SLC13A2: variants seen among roughly 807,000 people sequenced by gnomAD.
SLC13A2 encodes the protein Na(+)-coupled citrate transporter.
A neutral mutation model predicts 58.5 loss-of-function variants in SLC13A2; 40 were observed. The observed-to-expected ratio is 0.68, with a 90% CI of 0.53 to 0.89. The LOEUF (loss-of-function observed/expected upper bound fraction) is 0.89, where lower values mean the gene tolerates loss of function less well. Ranked by LOEUF, SLC13A2 falls within the 40% of genes least tolerant of loss-of-function variation. SLC13A2 has a pLI of 0.00. For missense variants in SLC13A2, 694 were observed against 772.6 expected (o/e 0.90, Z 1.21); for synonymous variants, 341 against 331.6 (o/e 1.03, Z -0.31).
chr17:28,493,858 T>C, intron 7 of SLC13A2, 69 bp downstream of exon 7: 1 of 1,533,052 alleles, frequency 6.5e-7, no homozygotes, highest in Non-Finnish European at 9.0e-7. Context: ...GGGAAGGGTA[T>C]AGGGCCCCCA....
Position 28,496,656 on chromosome 17 carries a change from C to A in SLC13A2, c.1608+69C>A. ...TCTGACTTTTCATCTTAGTGAACCA[C>A]AAAGCAGCTTAAAGCCACTGAGAGT... On this transcript the variant is annotated intron_variant, in intron 11 of 11. Coordinates refer to ENST00000314669, the MANE Select transcript of SLC13A2 (RefSeq NM_003984.4). This position sits in a 1 kb window ranked among gnomAD's most constrained non-coding sequence, Gnocchi z 4.2. 1 of 1,549,752 alleles carries A rather than the reference C, an allele frequency of 6.5e-7. No individual in the cohort carries two copies. The highest frequency in any genetic ancestry group is 1.2e-5 in the South Asian group (1 of 81,402).
At position 28,494,396 on chromosome 17, in the gene SLC13A2, C is replaced by T; in HGVS notation, c.1192C>T (p.Pro398Ser). 1.1e-5 allele frequency: 18 copies of T among 1,614,140 alleles called. No individual in the cohort carries two copies. The highest frequency in any genetic ancestry group is 1.4e-5 in the Non-Finnish European group (17 of 1,180,026). ...CTTCTCTGCTTGGGAAGTAGAAAAC[C>T]CAGGGAAGCTGAAGGCCCCTCTTGG... is the stretch of plus-strand genomic sequence containing the variant. ...FPGLTQDPEN[P>S]GKLKAPLGLL... Residue 398 changes from proline (P) to serine (S), a missense_variant, in exon 9 of 12, where the codon CCA becomes TCA. By Grantham distance (74) the Pro-to-Ser change is moderately conservative (BLOSUM62 -1). Transcript: ENST00000314669. This position sits in a 1 kb window ranked among gnomAD's most constrained non-coding sequence, Gnocchi z 4.0.
rs141214124 is a variant in SLC13A2, at chr17:28,494,439, C to T, written c.1235C>T (p.Thr412Met). ...CCTCTTGGCCTCCTCGACTGGAAGA[C>T]GGTGAACCAGAAGATGCCGTGGAAT... ...KAPLGLLDWK[T>M]VNQKMPWNIV... is the part of the protein sequence containing the mutation. The change falls in exon 9 of 12, where the codon ACG (threonine) becomes ATG (methionine). Residue 412 changes from threonine (T) to methionine (M), a missense_variant. By Grantham distance (81) the Thr-to-Met change is moderately conservative. Coordinates refer to ENST00000314669, the MANE Select transcript of SLC13A2 (RefSeq NM_003984.4). This position sits in a 1 kb window ranked among gnomAD's most constrained non-coding sequence, Gnocchi z 4.0. 5.3e-5 allele frequency: 86 copies of T among 1,614,164 alleles called. No homozygotes were observed. The African/African-American group carries it at 7.3e-4, about 14-fold the overall frequency.
intron 1 of SLC13A2, among the ~76,000 whole-genome samples, chr17:28,476,586 A>G (rs1193871439): frequency 6.7e-6 from 1 of 150,136 alleles, no homozygotes; most frequent in Admixed American, 6.6e-5. Context: ...TGCTCCTCAC[A>G]TTGCTCTGGA....
In SLC13A2 at chr17:28,489,225, C is replaced by A. The variant is rs781897884; in HGVS notation, c.114C>A (p.Cys38Ter). 1.2e-6 allele frequency: 2 copies of A among 1,613,536 alleles called. No homozygotes were observed. Among genetic ancestry groups the A allele is most frequent in the African/African-American group, 1.3e-5 (1 of 74,916 alleles). Residue 38 changes from cysteine (C) to a stop codon, truncating the protein, a stop_gained, in exon 2 of 12, where the codon TGC becomes TGA. Coordinates refer to ENST00000314669, the MANE Select transcript of SLC13A2 (RefSeq NM_003984.4). LOFTEE classifies it high-confidence loss of function. Reference sequence around the variant, plus strand: ...TCTCCCACCTGCAGGAGGCCTACTGCGCGTATGCCATCATCCTCATGGCGC... The same window carrying A: ...TCTCCCACCTGCAGGAGGCCTACTGAGCGTATGCCATCATCCTCATGGCGC... ...PILVPSKEAY[C>*]AYAIILMALF...
intron 6 of SLC13A2, among the ~76,000 whole-genome samples, chr17:28,492,366 G>T (rs1254747520): frequency 1.3e-5 from 2 of 152,244 alleles, no homozygotes; most frequent in Non-Finnish European, 2.9e-5. Context: ...ACAGTGTCTA[G>T]TTCAGCCCAG....
In SLC13A2 at chr17:28,494,657, G is replaced by T; in HGVS notation, c.1308+145G>T. The stretch of plus-strand genomic sequence containing the variant: ...GTAGGCAGAGCCTTTGCAGCAGCTG[G>T]GAAGACTTAGGTTAGAGCCCTCATG... On this transcript the variant is annotated intron_variant, in intron 9 of 11. Transcript: ENST00000314669. This position sits in a 1 kb window ranked among gnomAD's most constrained non-coding sequence, Gnocchi z 4.0. 1 of 1,181,812 alleles carries T rather than the reference G, an allele frequency of 8.5e-7. No individual in the cohort carries two copies. The highest frequency in any genetic ancestry group is 1.2e-6 in the Non-Finnish European group (1 of 852,994). 73.2% of individuals were successfully genotyped at this position (1,181,812 alleles called of 1,614,324 possible).
chr17:28,493,197 A>G (rs782155286), intron 6 of SLC13A2, among the ~76,000 whole-genome samples: 14 of 152,170 alleles, frequency 9.2e-5, no homozygotes, highest in Non-Finnish European at 1.8e-4. Flanking sequence ...GGATAAGCAG[A>G]GAAGGCAGAG....
Position 28,494,458 on chromosome 17 carries a change from G to A in SLC13A2, c.1254G>A (p.Pro418=), listed in dbSNP as rs782665075. ...LDWKTVNQKM[P]WNIVLLLGGG... is the part of the protein sequence containing the mutation. The stretch of plus-strand genomic sequence containing the variant: ...GGAAGACGGTGAACCAGAAGATGCC[G>A]TGGAATATCGTGTTATTGCTGGGTG... The change falls in exon 9 of 12, where the codon CCG becomes CCA. Residue 418 remains proline (P), a synonymous_variant. Transcript: ENST00000314669. The surrounding 1 kb of genome is among the most constrained non-coding windows in gnomAD (Gnocchi z 4.0). 1.1e-4 allele frequency: 173 copies of A among 1,613,986 alleles called. No homozygotes were observed. Among genetic ancestry groups the A allele is most frequent in the Middle Eastern group, 3.3e-4 (2 of 6,084 alleles).
Position 28,497,651 on chromosome 17 carries a change from G to A in SLC13A2, c.*382G>A, listed in dbSNP as rs2069174192. On this transcript the variant is annotated 3_prime_UTR_variant, in exon 12 of 12. Coordinates refer to ENST00000314669, the MANE Select transcript of SLC13A2 (RefSeq NM_003984.4). ...CCCAGGTCTTGGTATCCCCAGCTTA[G>A]TGACCAGACTTACTTGCACTGTATT... is the stretch of plus-strand genomic sequence containing the variant. The A allele has an allele frequency of 5.1e-6, 1 of 197,934 alleles. No individual in the cohort carries two copies. The allele number at this position is 197,934 out of a possible 1,614,324, so 12.3% of individuals were successfully genotyped here.
Position 28,497,187 on chromosome 17 carries a change from A to T in SLC13A2, c.1697A>T (p.His566Leu). 1 of 1,613,762 alleles carries T rather than the reference A, an allele frequency of 6.2e-7. No homozygotes were observed. Among genetic ancestry groups the T allele is most frequent in the Non-Finnish European group, 8.5e-7 (1 of 1,179,934 alleles). Residue 566 changes from histidine (H) to leucine (L), a missense_variant, in exon 12 of 12, where the codon CAC (histidine) becomes CTC (leucine). Transcript: ENST00000314669. ...NSWGIPLFSL[H>L]SFPSWAQSNT... ...TGGGGCATCCCCCTCTTCAGCCTGCACTCTTTCCCCTCCTGGGCACAGTCC... is the reference window on the plus strand; with the variant it reads ...TGGGGCATCCCCCTCTTCAGCCTGCTCTCTTTCCCCTCCTGGGCACAGTCC...
intron 1 of SLC13A2, among the ~76,000 whole-genome samples, chr17:28,481,298 C>G (rs1434275773): frequency 6.6e-6 from 1 of 152,190 alleles, no homozygotes; most frequent in Non-Finnish European, 1.5e-5. Flanking sequence ...TCCCTTTGGC[C>G]TCTTAAAACA....
rs534789245 is a variant in SLC13A2 at position 28,477,293 on chromosome 17, A to T, written c.102+3479A>T. ...ACTGCAAGCTCCGCCTCCCAGGTTC[A>T]TGCCATTCTCCTGCCTTAGCCTCCC... On this transcript the variant is annotated intron_variant, in intron 1 of 11. Coordinates refer to ENST00000314669, the MANE Select transcript of SLC13A2 (RefSeq NM_003984.4). Among the ~76,000 whole-genome samples, 14 of 141,688 alleles carry T rather than the reference A, an allele frequency of 9.9e-5. No individual in the cohort carries two copies. In the South Asian group the frequency reaches 3.1e-3, roughly 31 times the overall value. 93.0% of individuals were successfully genotyped at this position (141,688 alleles called of 152,430 possible).
rs782607419 is a variant in SLC13A2, at chr17:28,494,340, G to T, written c.1187-51G>T. The T allele has an allele frequency of 6.2e-7, 1 of 1,614,078 alleles. No homozygotes were observed. On this transcript the variant is annotated intron_variant, in intron 8 of 11. Transcript: ENST00000314669. The surrounding 1 kb of genome is among the most constrained non-coding windows in gnomAD (Gnocchi z 4.0). ...ACAGGGAGCCCGCAAATGGAGAGGG[G>T]AAAGGCCTGTTTGTTCTTTGGTGAC...
At chr17:28,490,310 A>T (rs781869459) in intron 2 of SLC13A2, 144 bp from the exon 3 acceptor site, 2 of 1,592,504 alleles carry the variant, frequency 1.3e-6, no homozygotes, top group Middle Eastern at 3.4e-4. Flanking sequence ...ATGGCAGATC[A>T]TTCAGAGACC....
intron 1 of SLC13A2, among the ~76,000 whole-genome samples, chr17:28,483,788 G>T (rs953647848): frequency 2.6e-5 from 4 of 152,250 alleles, no homozygotes; most frequent in Middle Eastern, 3.2e-3. Context: ...AGCAGCGAAT[G>T]CTTGATGTTT....
At chr17:28,481,112 A>C (rs1450412064) in intron 1 of SLC13A2, among the ~76,000 whole-genome samples, 1 of 152,164 alleles carries the variant, frequency 6.6e-6, no homozygotes, top group African/African-American at 2.4e-5. Flanking sequence ...TTCGACAGTA[A>C]AGTTTCCTGG....
chr17:28,495,700 CAG>C lies in SLC13A2; in HGVS notation c.1357_1358del (p.Ser453CysfsTer22). On this transcript the variant is annotated frameshift_variant, in exon 10 of 12. Transcript: ENST00000314669. LOFTEE classifies it high-confidence loss of function. ...EWLGNKLTPL[Q>X]SVPAPAIAII... ...GCTGGGAAACAAGCTGACCCCACTG[CAG>C]AGTGTGCCAGCTCCAGCCATTGCCA... 6.2e-7 allele frequency: 1 copy of C among 1,612,312 alleles called. No homozygotes were observed. The highest frequency in any genetic ancestry group is 8.5e-7 in the Non-Finnish European group (1 of 1,179,958).
At chr17:28,485,291 G>C (rs1354162489) in intron 1 of SLC13A2, among the ~76,000 whole-genome samples, 1 of 152,224 alleles carries the variant, frequency 6.6e-6, no homozygotes, top group African/African-American at 2.4e-5. Context: ...ACCTGGACTT[G>C]TGCAGTGCAG....
Sources: allele counts gnomAD v4.1 joint callset (sites outside exome capture counted in the v4.1 genomes callset), GRCh38; gene constraint gnomAD v4.1.1; non-coding constraint Gnocchi (gnomAD v3.1); transcripts MANE v1.5; gene names NCBI Gene and HGNC (gene_info 2026-07-23, HGNC 2026-07-21).